Variants in GGT1 observed in about 807,000 individuals in gnomAD.
The protein encoded by GGT1 is glutathione hydrolase 1 proenzyme.
Under a neutral mutation model 56.0 loss-of-function variants are expected in GGT1, and 21 were observed. That is an observed-to-expected ratio of 0.38 (90% confidence interval 0.27 to 0.54). GGT1 has a LOEUF of 0.54. GGT1 is among the 20% of genes least tolerant of loss of function. The pLI is 0.82. For missense variants in GGT1, 466 were observed against 787.0 expected, an observed-to-expected ratio of 0.59 and a Z score of 4.88; for synonymous variants, 238 against 342.6, an observed-to-expected ratio of 0.69 and a Z score of 3.37.
chr22:24,611,128 T>C lies in GGT1; in HGVS notation c.47T>C (p.Val16Ala). 6.2e-7 allele frequency: 1 copy of C among 1,601,830 alleles called. No individual in the cohort carries two copies. The highest frequency in any genetic ancestry group is 1.1e-5 in the South Asian group (1 of 89,328). Reference protein sequence around the residue: ...VVLGLLAVVLVLVIVGLCLWL... With the variant: ...VVLGLLAVVLALVIVGLCLWL... ...CTGGGCCTGCTGGCCGTGGTCCTGG[T>C]GCTGGTCATTGTCGGCCTCTGTCTC... The change falls in exon 5 of 16, where the codon GTG becomes GCG. Residue 16 changes from valine (V) to alanine (A), a missense_variant. Physicochemically the swap from Val to Ala is moderately conservative, Grantham distance 64. Coordinates refer to ENST00000400382, the MANE Select transcript of GGT1 (RefSeq NM_001288833.2).
rs371599684 is a variant in GGT1, at chr22:24,620,935, A to G, written c.598A>G (p.Lys200Glu). 65 of 1,611,872 alleles carry G rather than the reference A, an allele frequency of 4.0e-5. 1 individual carries two copies. The highest frequency in any genetic ancestry group is 5.0e-5 in the Non-Finnish European group (59 of 1,179,852). The change falls in exon 9 of 16, where the codon AAG becomes GAG. Residue 200 changes from lysine to glutamate, a missense_variant. This residue lies in a region of GGT1 where 456 missense variants were observed against 716.7 expected (regional missense o/e 0.64). Coordinates refer to ENST00000400382, the MANE Select transcript of GGT1 (RefSeq NM_001288833.2). This position sits in a 1 kb window ranked among gnomAD's most constrained non-coding sequence, Gnocchi z 5.6. ...VLCEVFCRDR[K>E]VLREGERLTL... The stretch of plus-strand genomic sequence containing the variant: ...CAGTGAGGTGTTCTGCCGGGATAGA[A>G]AGGTGCTTCGGGAGGGGGAGAGACT...
chr22:24,610,755 A>C (rs4049891), intron 4 of GGT1, among the ~76,000 whole-genome samples: 7,261 of 119,024 alleles, frequency 0.061, 424 homozygotes, highest in Admixed American at 0.084. Context: ...GGAGGTAGGC[A>C]AGGCCCTGCA....
chr22:24,588,615 A>G, the GGT1 span: 2 of 1,048,650 alleles, frequency 1.9e-6, no homozygotes, highest in Non-Finnish European at 2.5e-6. Context: ...CCTCGGGCCC[A>G]GGGCCAGCGT....
rs371333741 is a variant in GGT1 at position 24,611,384 on chromosome 22, A to G, written c.164+139A>G. The G allele has an allele frequency of 0.019, 12,697 of 659,482 alleles. 949 individuals carry two copies. The highest frequency in any genetic ancestry group is 0.18 in the African/African-American group (9,966 of 55,270). The allele number at this position is 659,482 out of a possible 1,614,324, so 40.9% of individuals were successfully genotyped here. On this transcript the variant is annotated intron_variant, in intron 5 of 15. Transcript: ENST00000400382. ...TCTCAGTAGCCTTTGGGAAGGGGAC[A>G]GTGACTCCGAGAGCAGGGTGTGGGT...
In GGT1 at chr22:24,614,348, C is replaced by CAAAAAAAAAAA. The variant is rs534749815; in HGVS notation, c.165-409_165-399dup. 2.4e-3 allele frequency among the ~76,000 whole-genome samples: 26 copies of CAAAAAAAAAAA among 10,748 alleles called. 1 individual carries two copies. Among genetic ancestry groups the CAAAAAAAAAAA allele is most frequent in the African/African-American group, 6.4e-3 (26 of 4,072 alleles). 7.1% of individuals were successfully genotyped at this position (10,748 alleles called of 152,430 possible). A position where few individuals can be genotyped will look rare whatever the true frequency, so the allele number is the denominator to read the frequency against. ...TGAGCAACAAAGAGAGACTTTGTCTCAAAAAAAAAAAAAAAAAAAAAAAAA... is the reference window on the plus strand; with the variant it reads ...TGAGCAACAAAGAGAGACTTTGTCTCAAAAAAAAAAAAAAAAAAAAAAAAAAAAAAAAAAAA... On this transcript the variant is annotated intron_variant, in intron 5 of 15. Coordinates refer to ENST00000400382, the MANE Select transcript of GGT1 (RefSeq NM_001288833.2).
intron 5 of GGT1, among the ~76,000 whole-genome samples, chr22:24,612,507 A>G (rs12159496): frequency 0.07 from 7,198 of 102,362 alleles, 617 homozygotes; most frequent in African/African-American, 0.28. Context: ...TGAAGGGCTT[A>G]TTCTTTTTTG....
rs1243959617 is a variant in GGT1, at chr22:24,605,035, T to TATATATATATAA, written c.-429+1509_-429+1510insTATATATATAAA. The stretch of plus-strand genomic sequence containing the variant: ...GAATCCTGTATGTCATATATATATA[T>TATATATATATAA]AAAATATGTAATATATTATATATTA... On this transcript the variant is annotated intron_variant, in intron 1 of 15. Transcript: ENST00000400382. 1.2e-3 allele frequency among the ~76,000 whole-genome samples: 99 copies of TATATATATATAA among 85,460 alleles called. 37 individuals are homozygous for TATATATATATAA. The highest frequency in any genetic ancestry group is 6.2e-3 in the African/African-American group (99 of 15,928). The allele number at this position is 85,460 out of a possible 152,430, so 56.1% of individuals were successfully genotyped here.
chr22:24,605,202 T>A (rs1395130103), intron 1 of GGT1, among the ~76,000 whole-genome samples: 2 of 64,120 alleles, frequency 3.1e-5, no homozygotes, highest in Non-Finnish European at 5.0e-5. Context: ...ATATATAATA[T>A]GTATTATATT....
At position 24,623,612 on chromosome 22, in the gene GGT1, G is replaced by A. The variant is rs1444071146; in HGVS notation, c.884-168G>A. ...GATGCGTGACGTGAGGTCCAGGCTC[G>A]GGAGCCCTCACCTTACTTCACTCTC... On this transcript the variant is annotated intron_variant, in intron 10 of 15. Transcript: ENST00000400382. 9.3e-5 allele frequency among the ~76,000 whole-genome samples: 14 copies of A among 150,002 alleles called. No individual in the cohort carries two copies. The East Asian group carries it at 2.6e-3, about 27-fold the overall frequency.
rs1277906385 is a variant in GGT1, at chr22:24,605,613, TATA to T, written c.-429+2090_-429+2092del. 3.7e-4 allele frequency among the ~76,000 whole-genome samples: 19 copies of T among 50,812 alleles called. 4 individuals carry two copies. The highest frequency in any genetic ancestry group is 3.0e-3 in the South Asian group (5 of 1,676). The allele number at this position is 50,812 out of a possible 152,430, so 33.3% of individuals were successfully genotyped here. On this transcript the variant is annotated intron_variant, in intron 1 of 15. Transcript: ENST00000400382. ...AATATTATATAATGTGTATTATATA[TATA>T]ATATTATATAATGTGTATTATATAT...
chr22:24,592,343 G>T (rs1468494190), upstream of GGT1: 1 of 470,674 alleles, frequency 2.1e-6, no homozygotes. Flanking sequence ...CTCTCTGTGG[G>T]CTGCCATGGT....
the GGT1 span, among the ~76,000 whole-genome samples, chr22:24,585,166 G>A: frequency 6.6e-6 from 1 of 152,170 alleles, no homozygotes; most frequent in Non-Finnish European, 1.5e-5. Flanking sequence ...CCTGAGGGTG[G>A]CAAGCAGCAC....
intron 5 of GGT1, 110 bp downstream of exon 5, chr22:24,611,355 ACTCT>A (rs1176508246): frequency 2.8e-5 from 21 of 737,766 alleles, no homozygotes; most frequent in East Asian, 2.1e-4. Flanking sequence ...CTTCGCTTGG[ACTCT>A]CTCAGTAGCC....
Position 24,611,276 on chromosome 22 carries a change from C to T in GGT1, c.164+31C>T, listed in dbSNP as rs776399618. On this transcript the variant is annotated intron_variant, in intron 5 of 15. Coordinates refer to ENST00000400382, the MANE Select transcript of GGT1 (RefSeq NM_001288833.2). ...CAGGGCAGGGCATGGGACATGGGCC[C>T]TGAAAACTGGGCAAGTGGACCTGAG... is the stretch of plus-strand genomic sequence containing the variant. 5.8e-6 allele frequency: 8 copies of T among 1,387,178 alleles called. No individual in the cohort carries two copies. The African/African-American group carries it at 1.0e-4, about 17-fold the overall frequency. The allele number at this position is 1,387,178 out of a possible 1,614,324, so 85.9% of individuals were successfully genotyped here. A position where few individuals can be genotyped will look rare whatever the true frequency, so the allele number is the denominator to read the frequency against.
intron 11 of GGT1, chr22:24,624,688 T>C (rs1208512044): frequency 6.1e-6 from 6 of 983,504 alleles, no homozygotes; most frequent in African/African-American, 1.7e-5. Context: ...CTCGGGGTGC[T>C]GTTCCTACAA....
the GGT1 span, chr22:24,588,237 C>T: frequency 5.8e-4 from 933 of 1,613,254 alleles, 1 homozygote; most frequent in Non-Finnish European, 7.7e-4. Context: ...TCCTCTGGCG[C>T]AGGCTGGACC....
the GGT1 span, chr22:24,585,912 C>T: frequency 4.0e-3 from 6,344 of 1,599,978 alleles, 175 homozygotes; most frequent in African/African-American, 0.068. Flanking sequence ...GCCTGGGGCT[C>T]GGGTCCCAGC....
chr22:24,619,636 A>AC (rs1324236440), intron 7 of GGT1, among the ~76,000 whole-genome samples: 7 of 152,296 alleles, frequency 4.6e-5, no homozygotes, highest in Non-Finnish European at 1.0e-4. Context: ...AGGGGACAGG[A>AC]CGGAGGTTAA....
chr22:24,585,810 C>G, the GGT1 span: 3 of 1,386,984 alleles, frequency 2.2e-6, no homozygotes, highest in Middle Eastern at 2.0e-4. Flanking sequence ...TGTGAGTCCT[C>G]CTTGACCTTC....
Sources: gnomAD v4.1 joint callset for allele counts (sites outside exome capture counted in the v4.1 genomes callset) on GRCh38, gnomAD v4.1.1 for gene constraint, gnomAD v4.1.1 regional missense constraint, Gnocchi (gnomAD v3.1) non-coding constraint, MANE v1.5 for transcripts, NCBI Gene and HGNC (gene_info 2026-07-23, HGNC 2026-07-21) for gene names.